SLC9A3: variants seen among roughly 807,000 people sequenced by gnomAD.
SLC9A3 encodes the protein solute carrier family 9 member A3.
In SLC9A3, 37 loss-of-function variants were observed where a neutral mutation model predicts 86.8. The observed-to-expected ratio is 0.43, with a 90% confidence interval of 0.33 to 0.56. SLC9A3 has a LOEUF of 0.56. SLC9A3 is among the 20% of genes least tolerant of loss of function. SLC9A3 has a pLI of 0.06. For missense variants in SLC9A3, 1,011 were observed against 1,171.9 expected (o/e 0.86, Z 2.00); for synonymous variants, 581 against 528.3 (o/e 1.10, Z -1.37).
rs754348626 is a variant in SLC9A3 at position 491,872 on chromosome 5, G to A, written c.411C>T (p.Phe137=). Residue 137 remains phenylalanine, a synonymous_variant, in exon 2 of 17, where the codon TTC becomes TTT. Transcript: ENST00000264938. This position sits in a 1 kb window ranked among gnomAD's most constrained non-coding sequence, Gnocchi z 9.2. ...AGYFMPNRLF[F]GNLGTILLYA... The stretch of plus-strand genomic sequence containing the variant: ...ACAACAGGATGGTCCCCAGGTTGCC[G>A]AAGAAGAGGCGGTTGGGCATGAAGT... 5.3e-5 allele frequency: 85 copies of A among 1,610,798 alleles called. No homozygotes were observed. Among genetic ancestry groups the A allele is most frequent in the Admixed American group, 6.7e-5 (4 of 59,740 alleles).
In SLC9A3 at chr5:524,173, G is replaced by A. The variant is rs778915264; in HGVS notation, c.150C>T (p.Ala50=). 4 of 1,548,536 alleles carry A rather than the reference G, an allele frequency of 2.6e-6. No homozygotes were observed. Among genetic ancestry groups the A allele is most frequent in the African/African-American group, 1.4e-5 (1 of 70,466 alleles). ...GGFQVVTFEW[A]HVQDPYVIAL... is the part of the protein sequence containing the mutation. ...CGATGACGTAGGGATCCTGCACGTGGGCCCACTCGAAGGTGACCACCTGGA... is the reference window on the plus strand; with the variant it reads ...CGATGACGTAGGGATCCTGCACGTGAGCCCACTCGAAGGTGACCACCTGGA... The change falls in exon 1 of 17, where the codon GCC becomes GCT. Residue 50 remains alanine (A), a synonymous_variant. Transcript: ENST00000264938.
In SLC9A3 at chr5:471,803, T is replaced by C. The variant is rs1248580975; in HGVS notation, c.*1576A>G. On this transcript the variant is annotated 3_prime_UTR_variant, in exon 17 of 17. Coordinates refer to ENST00000264938, the MANE Select transcript of SLC9A3 (RefSeq NM_004174.4). Reference sequence around the variant, plus strand: ...TCTCCGAAGCAGCGGTCATGCAGGCTTTTGTGTGGCTGACGCTTCCCTTTT... The same window carrying C: ...TCTCCGAAGCAGCGGTCATGCAGGCCTTTGTGTGGCTGACGCTTCCCTTTT... 7 of 456,450 alleles carry C rather than the reference T, an allele frequency of 1.5e-5. No homozygotes were observed. The highest frequency in any genetic ancestry group is 2.6e-5 in the Non-Finnish European group (6 of 226,948). The allele number at this position is 456,450 out of a possible 1,614,324, so 28.3% of individuals were successfully genotyped here.
At chr5:492,373 T>TC (rs1560961644) in intron 1 of SLC9A3, among the ~76,000 whole-genome samples, 3 of 15,190 alleles carry the variant, frequency 2.0e-4, no homozygotes, top group African/African-American at 6.1e-4. Context: ...GGGAGGGAGG[T>TC]AGGGGGGAAC....
chr5:501,455 A>G (rs1267813036), intron 1 of SLC9A3, among the ~76,000 whole-genome samples: 1 of 152,218 alleles, frequency 6.6e-6, no homozygotes, highest in Non-Finnish European at 1.5e-5. Flanking sequence ...CGGTGAGGCC[A>G]GGAAGGAGGG....
chr5:524,292 G>A lies in SLC9A3; in HGVS notation c.31C>T (p.Arg11Trp), dbSNP rs967916614. The A allele has an allele frequency of 7.0e-6, 9 of 1,294,902 alleles. No individual in the cohort carries two copies. Among genetic ancestry groups the A allele is most frequent in the African/African-American group, 3.2e-5 (2 of 62,070 alleles). 80.2% of individuals were successfully genotyped at this position (1,294,902 alleles called of 1,614,324 possible). MWGLGARGPD[R>W]GLLLALALGG... ...AGCGCCAGCGCCAGCAGCAGCCCCC[G>A]GTCGGGGCCCCGGGCCCCGAGTCCC... The change falls in exon 1 of 17, where the codon CGG becomes TGG. Residue 11 changes from arginine to tryptophan, a missense_variant. Around this residue, in one of 3 missense-constraint regions of SLC9A3, gnomAD observed 49 missense variants for 35.6 expected, o/e 1.38. Coordinates refer to ENST00000264938, the MANE Select transcript of SLC9A3 (RefSeq NM_004174.4).
intron 10 of SLC9A3, chr5:479,458 T>TGTGCGTGTGCACCTGTGGGCAC (rs1232645935): frequency 1.3e-5 from 3 of 233,266 alleles, no homozygotes; most frequent in Non-Finnish European, 2.6e-5. Context: ...CCCCTCTGCC[T>TGTGCGTGTGCACCTGTGGGCAC]GTGCGTGTGC....
chr5:483,880 G>A (rs925466934), intron 5 of SLC9A3, among the ~76,000 whole-genome samples: 8 of 152,272 alleles, frequency 5.3e-5, no homozygotes, highest in Non-Finnish European at 1.0e-4. Context: ...GCCTGGGAGC[G>A]CCAGCGGAGC....
At chr5:523,624 G>T (rs1433336275) in intron 1 of SLC9A3, among the ~76,000 whole-genome samples, 5 of 151,254 alleles carry the variant, frequency 3.3e-5, no homozygotes, top group African/African-American at 4.9e-5. Flanking sequence ...AAAAAAAAAG[G>T]AGGCCCGCCA....
intron 1 of SLC9A3, among the ~76,000 whole-genome samples, chr5:519,342 T>C (rs1733818705): frequency 6.6e-6 from 1 of 152,130 alleles, no homozygotes; most frequent in Admixed American, 6.5e-5. Context: ...CTAAGGGCAG[T>C]TCAGCTGGAG....
chr5:495,095 G>A (rs1446330640), intron 1 of SLC9A3, among the ~76,000 whole-genome samples: 4 of 91,822 alleles, frequency 4.4e-5, no homozygotes, highest in Admixed American at 1.9e-4. Context: ...GTCCCCAGGT[G>A]GGGGGGCGCC....
At chr5:518,842 TG>T (rs1318009739) in intron 1 of SLC9A3, among the ~76,000 whole-genome samples, 7 of 151,908 alleles carry the variant, frequency 4.6e-5, no homozygotes, top group Non-Finnish European at 8.8e-5. Context: ...GGGAGTGGGC[TG>T]GGGGGGCTGG....
chr5:479,605 G>A (rs896839962), intron 10 of SLC9A3: 4 of 525,714 alleles, frequency 7.6e-6, no homozygotes, highest in East Asian at 6.7e-5. Flanking sequence ...TGACCTCAGC[G>A]CTCACCCCCA....
chr5:503,003 C>A (rs1367089592), intron 1 of SLC9A3, among the ~76,000 whole-genome samples: 3 of 135,108 alleles, frequency 2.2e-5, no homozygotes, highest in Non-Finnish European at 4.7e-5. Context: ...GATGGGCGTT[C>A]CAGTGAAACT....
At chr5:502,928 C>T (rs1417368957) in intron 1 of SLC9A3, among the ~76,000 whole-genome samples, 1 of 152,134 alleles carries the variant, frequency 6.6e-6, no homozygotes, top group Admixed American at 6.5e-5. Context: ...CACAGATGGG[C>T]GCTGTGTTCC....
intron 11 of SLC9A3, 146 bp from the exon 12 acceptor site, chr5:476,818 G>T (rs552650572): frequency 2.1e-6 from 2 of 966,638 alleles, no homozygotes; most frequent in African/African-American, 1.6e-5. Context: ...GCTGGGGCAC[G>T]GGGACATCTG....
chr5:475,780 CCA>C, intron 14 of SLC9A3, 109 bp from the exon 15 acceptor site: 1 of 732,104 alleles, frequency 1.4e-6, no homozygotes, highest in East Asian at 2.7e-5. Flanking sequence ...CAGTCGGGAC[CCA>C]CAGAGAGGAG....
At chr5:477,078 CA>C (rs1433736658) in intron 11 of SLC9A3, 1 of 510,420 alleles carries the variant, frequency 2.0e-6, no homozygotes, top group East Asian at 3.2e-5. Flanking sequence ...TGCTGCGGGC[CA>C]GGGGCAAACA....
chr5:479,805 C>A (rs1424697040), intron 10 of SLC9A3, 31 bp downstream of exon 10: 1 of 1,610,650 alleles, frequency 6.2e-7, no homozygotes, highest in South Asian at 1.1e-5. Flanking sequence ...CTGCTGCAGC[C>A]CCGACCCGGC....
In SLC9A3 at chr5:475,120, G is replaced by T; in HGVS notation, c.2264C>A (p.Pro755His). The change falls in exon 16 of 17, where the codon CCT becomes CAT. Residue 755 changes from proline to histidine, a missense_variant. Pro to His is a moderately conservative substitution (Grantham distance 77). Coordinates refer to ENST00000264938, the MANE Select transcript of SLC9A3 (RefSeq NM_004174.4). ...ASDSPAGIDN[P>H]VFSPDEALDR... ...CAGGGCCTCGTCCGGAGAAAACACA[G>T]GGTTGTCAATTCCTAGGAGAGAGGG... is the stretch of plus-strand genomic sequence containing the variant. 6.3e-7 allele frequency: 1 copy of T among 1,597,166 alleles called. No homozygotes were observed. Among genetic ancestry groups the T allele is most frequent in the Non-Finnish European group, 8.5e-7 (1 of 1,170,790 alleles).
Sources: allele counts gnomAD v4.1 joint callset (sites outside exome capture counted in the v4.1 genomes callset), GRCh38; gene constraint gnomAD v4.1.1; regional missense constraint gnomAD v4.1.1; non-coding constraint Gnocchi (gnomAD v3.1); transcripts MANE v1.5; gene names NCBI Gene and HGNC (gene_info 2026-07-23, HGNC 2026-07-21).